Variants in ARFIP1 observed in about 807,000 individuals in gnomAD.
The protein encoded by ARFIP1 is arfaptin-1.
A neutral mutation model predicts 42.5 loss-of-function variants in ARFIP1; 24 were observed. The observed-to-expected ratio is 0.57, with a 90% confidence interval of 0.41 to 0.80. The LOEUF (loss-of-function observed/expected upper bound fraction) is 0.80, where lower values mean the gene tolerates loss of function less well. ARFIP1 is among the 30% of genes least tolerant of loss of function. The pLI, the probability that ARFIP1 is intolerant of heterozygous loss-of-function variation, is 0.00. For synonymous variants in ARFIP1, 141 were observed against 153.7 expected, an observed-to-expected ratio of 0.92 and a Z score of 0.61; for missense variants, 354 against 434.0, an observed-to-expected ratio of 0.82 and a Z score of 1.64.
intron 2 of ARFIP1, among the ~76,000 whole-genome samples, chr4:152,849,317 C>T (rs1329758664): frequency 4.0e-5 from 6 of 151,738 alleles, no homozygotes; most frequent in Non-Finnish European, 5.9e-5. Context: ...AAATACAATT[C>T]ATAATGAAAG....
chr4:152,888,605 A>G (rs1052203288), intron 8 of ARFIP1, among the ~76,000 whole-genome samples: 1 of 152,174 alleles, frequency 6.6e-6, no homozygotes, highest in Non-Finnish European at 1.5e-5. Context: ...TGAAATAATG[A>G]TAGATTATGC....
At chr4:152,792,463 A>G (rs1336443064) in intron 1 of ARFIP1, among the ~76,000 whole-genome samples, 4 of 152,132 alleles carry the variant, frequency 2.6e-5, no homozygotes, top group African/African-American at 7.2e-5. Flanking sequence ...CTTGTCTGCT[A>G]TGGTTGTATC....
At chr4:152,795,465 T>C (rs565838496) in intron 1 of ARFIP1, among the ~76,000 whole-genome samples, 10 of 152,328 alleles carry the variant, frequency 6.6e-5, no homozygotes, top group Non-Finnish European at 1.3e-4. Flanking sequence ...CATCCAAGTT[T>C]CCAATATTTT....
intron 1 of ARFIP1, among the ~76,000 whole-genome samples, chr4:152,818,750 G>A (rs13105173): frequency 6.6e-6 from 1 of 152,230 alleles, no homozygotes; most frequent in Non-Finnish European, 1.5e-5. Context: ...TCCAAATGTA[G>A]GCTGCCTAGG....
chr4:152,831,826 A>G (rs1177833192), intron 2 of ARFIP1, among the ~76,000 whole-genome samples: 3 of 152,072 alleles, frequency 2.0e-5, no homozygotes, highest in African/African-American at 4.8e-5. Context: ...GGTTTGTTAC[A>G]TAGGTATACA....
Position 152,811,182 on chromosome 4 carries a change from G to A in ARFIP1, c.-9-18443G>A, listed in dbSNP as rs191511005. On this transcript the variant is annotated intron_variant, in intron 1 of 8. Coordinates refer to ENST00000353617, the MANE Select transcript of ARFIP1 (RefSeq NM_001025595.3). ...CTGGAGACATTGTTCTTTATTCAAT[G>A]AATGCCTTCTGTGTGCCGGCTACCC... Among the ~76,000 whole-genome samples, 388 of 135,848 alleles carry A rather than the reference G, an allele frequency of 2.9e-3. 1 individual carries two copies. Among genetic ancestry groups the A allele is most frequent in the African/African-American group, 0.01 (371 of 35,932 alleles). 89.1% of individuals were successfully genotyped at this position (135,848 alleles called of 152,430 possible). A position where few individuals can be genotyped will look rare whatever the true frequency, so the allele number is the denominator to read the frequency against.
At chr4:152,871,982 T>C (rs1277453022) in intron 4 of ARFIP1, among the ~76,000 whole-genome samples, 2 of 152,170 alleles carry the variant, frequency 1.3e-5, no homozygotes, top group Non-Finnish European at 2.9e-5. Context: ...ATTATTTTTT[T>C]CAAATTCTCC....
chr4:152,844,539 C>T (rs1196095061), intron 2 of ARFIP1, among the ~76,000 whole-genome samples: 1 of 151,740 alleles, frequency 6.6e-6, no homozygotes, highest in Admixed American at 6.6e-5. Context: ...TATTGGAAGG[C>T]AGAAAAGGAA....
At chr4:152,840,052 T>C (rs1190127170) in intron 2 of ARFIP1, among the ~76,000 whole-genome samples, 1 of 152,256 alleles carries the variant, frequency 6.6e-6, no homozygotes, top group Non-Finnish European at 1.5e-5. Context: ...TGTATTTGCA[T>C]GGTATCAAAG....
intron 2 of ARFIP1, among the ~76,000 whole-genome samples, chr4:152,842,339 A>AG (rs1391588221): frequency 1.3e-5 from 2 of 151,928 alleles, no homozygotes; most frequent in Non-Finnish European, 2.9e-5. Context: ...TGAAAAAAAA[A>AG]AAAAAAAGAT....
intron 2 of ARFIP1, among the ~76,000 whole-genome samples, chr4:152,834,333 A>G (rs1210559723): frequency 6.6e-6 from 1 of 152,218 alleles, no homozygotes; most frequent in Non-Finnish European, 1.5e-5. Context: ...ATGCCTTCAC[A>G]GTAGTTTCCT....
chr4:152,876,405 A>T (rs2149887957), intron 5 of ARFIP1, among the ~76,000 whole-genome samples: 1 of 152,280 alleles, frequency 6.6e-6, no homozygotes, highest in Non-Finnish European at 1.5e-5. Flanking sequence ...TACCCTAGAG[A>T]TTTGTGGAAC....
chr4:152,842,513 C>G (rs1197254733), intron 2 of ARFIP1, among the ~76,000 whole-genome samples: 1 of 152,106 alleles, frequency 6.6e-6, no homozygotes, highest in African/African-American at 2.4e-5. Flanking sequence ...GTTTTCCAAG[C>G]TTTTAGAATT....
At chr4:152,892,761 T>A (rs1736970309) in intron 8 of ARFIP1, among the ~76,000 whole-genome samples, 1 of 152,222 alleles carries the variant, frequency 6.6e-6, no homozygotes, top group African/African-American at 2.4e-5. Context: ...TAGTTATAGT[T>A]CGTATTTTCT....
At chr4:152,901,304 G>T (rs1737810727) in intron 8 of ARFIP1, among the ~76,000 whole-genome samples, 1 of 152,104 alleles carries the variant, frequency 6.6e-6, no homozygotes, top group African/African-American at 2.4e-5. Context: ...TGCTGTGTAG[G>T]CAAGAGAAAG....
chr4:152,808,835 G>T (rs1414003995), intron 1 of ARFIP1, among the ~76,000 whole-genome samples: 1 of 152,154 alleles, frequency 6.6e-6, no homozygotes, highest in Admixed American at 6.5e-5. Flanking sequence ...TTGGGAGGCC[G>T]AGGCATGCAG....
intron 3 of ARFIP1, 93 bp from the exon 4 acceptor site, chr4:152,870,654 TTGAATA>T (rs1476929270): frequency 8.6e-6 from 7 of 813,346 alleles, no homozygotes; most frequent in Non-Finnish European, 1.4e-5. Flanking sequence ...ATCCTAGTGT[TTGAATA>T]TTTTAAAGGA....
At chr4:152,881,315 T>A in intron 6 of ARFIP1, 131 bp downstream of exon 6, 1 of 718,794 alleles carries the variant, frequency 1.4e-6, no homozygotes, top group African/African-American at 1.8e-5. Context: ...TTTAAGATAT[T>A]TCATATCACT....
intron 1 of ARFIP1, among the ~76,000 whole-genome samples, chr4:152,811,333 C>T (rs1404895800): frequency 6.6e-6 from 1 of 152,022 alleles, no homozygotes; most frequent in African/African-American, 2.4e-5. Flanking sequence ...TTATATTGTA[C>T]AGCTGGGATT....
Sources: allele counts gnomAD v4.1 joint callset (sites outside exome capture counted in the v4.1 genomes callset), GRCh38; gene constraint gnomAD v4.1.1; transcripts MANE v1.5; gene names NCBI Gene and HGNC (gene_info 2026-07-23, HGNC 2026-07-21).